Variants in SLC5A9 observed in about 807,000 individuals in gnomAD.
The protein encoded by SLC5A9 is sodium/glucose cotransporter 4.
SLC5A9 carries 59 observed loss-of-function variants against 70.9 expected under a neutral mutation model. That is an observed-to-expected ratio of 0.83 (90% confidence interval 0.68 to 1.03). The LOEUF (loss-of-function observed/expected upper bound fraction) is 1.03, where lower values mean the gene tolerates loss of function less well. Ranked by LOEUF, SLC5A9 falls within the 50% of genes least tolerant of loss-of-function variation. The probability of loss-of-function intolerance (pLI) is 0.00; values close to 1 mark genes in which losing one functional copy is unlikely to be tolerated. For missense variants in SLC5A9, 832 were observed against 881.1 expected (o/e 0.94, Z 0.71); for synonymous variants, 340 against 346.5 (o/e 0.98, Z 0.21).
intron 2 of SLC5A9, among the ~76,000 whole-genome samples, chr1:48,225,582 C>A (rs1202229549): frequency 6.6e-6 from 1 of 152,038 alleles, no homozygotes; most frequent in Non-Finnish European, 1.5e-5. Flanking sequence ...AGTATACACA[C>A]CCAGGCATGC....
At chr1:48,229,020 G>A in intron 3 of SLC5A9, 66 bp downstream of exon 3, 1 of 1,613,578 alleles carries the variant, frequency 6.2e-7, no homozygotes. Flanking sequence ...TCTGGCATTA[G>A]TGCTGGGAGG....
chr1:48,224,409 C>A (rs149438635), intron 1 of SLC5A9, among the ~76,000 whole-genome samples: 173 of 152,298 alleles, frequency 1.1e-3, no homozygotes, highest in African/African-American at 4.0e-3. Flanking sequence ...ACTCTGAAAG[C>A]GCACTTTGGG....
At chr1:48,222,931 G>T in intron 1 of SLC5A9, 33 bp downstream of exon 1, 1 of 1,610,822 alleles carries the variant, frequency 6.2e-7, no homozygotes, top group Non-Finnish European at 8.5e-7. Context: ...GCTAGCAGGG[G>T]AGGTAGTAGT....
chr1:48,224,668 A>G lies in SLC5A9; in HGVS notation c.163-56A>G, dbSNP rs538025182. 55 of 1,560,494 alleles carry G rather than the reference A, an allele frequency of 3.5e-5. 3 individuals are homozygous for G. Among genetic ancestry groups the G allele is most frequent in the Middle Eastern group, 1.7e-4 (1 of 5,992 alleles). On this transcript the variant is annotated intron_variant, in intron 1 of 13. Coordinates refer to ENST00000438567, the MANE Select transcript of SLC5A9 (RefSeq NM_001011547.3). ...GGAAGGAAATCTGCGGGGAGGGGGC[A>G]GGGCAGAGGTTCAGAGAGTCTTGAG...
chr1:48,227,965 TC>T (rs1644189171), intron 2 of SLC5A9: 1 of 151,870 alleles, frequency 6.6e-6, no homozygotes, highest in South Asian at 2.1e-4. Context: ...CCCAGCCCTC[TC>T]CCCGAGGTCT....
intron 2 of SLC5A9, among the ~76,000 whole-genome samples, chr1:48,225,188 C>G (rs916296797): frequency 3.3e-5 from 5 of 152,156 alleles, no homozygotes; most frequent in Admixed American, 6.5e-5. Context: ...GACCACCAGA[C>G]AGTGGAGTCA....
At chr1:48,233,908 C>T (rs1644292879) in intron 9 of SLC5A9, 146 bp downstream of exon 9, 9 of 655,374 alleles carry the variant, frequency 1.4e-5, no homozygotes, top group South Asian at 1.8e-5. Context: ...CATACACACA[C>T]GTTTTACAGG....
chr1:48,230,359 C>T (rs1251753224), intron 4 of SLC5A9, among the ~76,000 whole-genome samples: 1 of 152,218 alleles, frequency 6.6e-6, no homozygotes, highest in Non-Finnish European at 1.5e-5. Flanking sequence ...AGACCAGCTA[C>T]GTGATTAAAT....
chr1:48,230,426 C>G (rs972294770), intron 4 of SLC5A9, among the ~76,000 whole-genome samples, 174 bp from the exon 5 acceptor site: 2 of 152,218 alleles, frequency 1.3e-5, no homozygotes, highest in Non-Finnish European at 1.5e-5. Flanking sequence ...CTCCATGGCG[C>G]CTCAGTGTCT....
Position 48,234,037 on chromosome 1 carries a change from C to G in SLC5A9, c.1141+275C>G, listed in dbSNP as rs75673909. ...TACCTGGACTTGCCACAGGCACAATCCAGTGGGACCAGTGTGGTGACCCAG... is the reference window on the plus strand; with the variant it reads ...TACCTGGACTTGCCACAGGCACAATGCAGTGGGACCAGTGTGGTGACCCAG... On this transcript the variant is annotated intron_variant, in intron 9 of 13. Coordinates refer to ENST00000438567, the MANE Select transcript of SLC5A9 (RefSeq NM_001011547.3). Among the ~76,000 whole-genome samples, 412 of 152,342 alleles carry G rather than the reference C, an allele frequency of 2.7e-3. 3 individuals carry two copies. Among genetic ancestry groups the G allele is most frequent in the African/African-American group, 9.5e-3 (395 of 41,572 alleles).
intron 4 of SLC5A9, among the ~76,000 whole-genome samples, chr1:48,229,817 A>G (rs7556499): frequency 0.022 from 3,282 of 152,314 alleles, 132 homozygotes; most frequent in African/African-American, 0.074. Flanking sequence ...TCAGGAAACA[A>G]ACCTAGACAG....
At chr1:48,227,459 T>A (rs533073533) in intron 2 of SLC5A9, among the ~76,000 whole-genome samples, 6 of 137,332 alleles carry the variant, frequency 4.4e-5, no homozygotes, top group Admixed American at 2.9e-4. Flanking sequence ...TGTGAGAGAG[T>A]GTGTGTACTG....
At position 48,222,724 on chromosome 1, in the gene SLC5A9, C is replaced by A. The variant is rs1346119273; in HGVS notation, c.-13C>A. The stretch of plus-strand genomic sequence containing the variant: ...GCCTCAAAGTCCAGCCTGCTGTTGA[C>A]CAACACTAACAGATGAGCAAGGAGC... On this transcript the variant is annotated 5_prime_UTR_variant, in exon 1 of 14. Coordinates refer to ENST00000438567, the MANE Select transcript of SLC5A9 (RefSeq NM_001011547.3). The A allele has an allele frequency of 6.2e-7, 1 of 1,613,924 alleles. No homozygotes were observed. Among genetic ancestry groups the A allele is most frequent in the Admixed American group, 1.7e-5 (1 of 60,010 alleles).
chr1:48,235,774 G>T lies in SLC5A9; in HGVS notation c.1187G>T (p.Ser396Ile). The T allele has an allele frequency of 6.2e-7, 1 of 1,614,196 alleles. No individual in the cohort carries two copies. Among genetic ancestry groups the T allele is most frequent in the Non-Finnish European group, 8.5e-7 (1 of 1,180,034 alleles). Residue 396 changes from serine (S) to isoleucine (I), a missense_variant, in exon 10 of 14, where the codon AGC (serine) becomes ATC (isoleucine). Ser to Ile is a moderately radical substitution (Grantham distance 142, BLOSUM62 -2). Coordinates refer to ENST00000438567, the MANE Select transcript of SLC5A9 (RefSeq NM_001011547.3). ...GCCGTGATCATGGCCGCTCTCATGA[G>T]CTCACTCACCTCCATCTTCAACAGC... ...MIAVIMAALM[S>I]SLTSIFNSSS...
chr1:48,246,754 A>C (rs1368384875), intron 13 of SLC5A9, among the ~76,000 whole-genome samples: 1 of 152,206 alleles, frequency 6.6e-6, no homozygotes, highest in Non-Finnish European at 1.5e-5. Context: ...TTTGGTAGTC[A>C]GAACAACCTG....
chr1:48,233,375 AAAAAAAAAAAAGAT>A (rs1644282892), intron 8 of SLC5A9, among the ~76,000 whole-genome samples: 1 of 150,522 alleles, frequency 6.6e-6, no homozygotes, highest in South Asian at 2.2e-4. Context: ...AAAAAAAAAA[AAAAAAAAAAAAGAT>A]AGAAAAGAAC....
intron 12 of SLC5A9, chr1:48,241,351 A>T (rs1195802079): frequency 6.5e-6 from 1 of 153,860 alleles, no homozygotes; most frequent in Non-Finnish European, 1.4e-5. Context: ...GGTAAGGTTT[A>T]TTGAGAGATA....
At position 48,230,572 on chromosome 1, in the gene SLC5A9, T is replaced by C. The variant is rs558942019; in HGVS notation, c.505-28T>C. On this transcript the variant is annotated intron_variant, in intron 4 of 13. Coordinates refer to ENST00000438567, the MANE Select transcript of SLC5A9 (RefSeq NM_001011547.3). The stretch of plus-strand genomic sequence containing the variant: ...ACCCTACTGAGGGCCTCGGGTGGTC[T>C]GGCCTCTTGGGTCCTGGCTCTCTGC... The C allele has an allele frequency of 2.9e-5, 46 of 1,581,184 alleles. No individual in the cohort carries two copies. In the South Asian group the frequency reaches 4.9e-4, roughly 17 times the overall value.
Position 48,222,849 on chromosome 1 carries a change from T to C in SLC5A9, c.113T>C (p.Ile38Thr), listed in dbSNP as rs1262781512. Residue 38 changes from isoleucine (I) to threonine (T), a missense_variant, in exon 1 of 14, where the codon ATC (isoleucine) becomes ACC (threonine). Physicochemically the swap from Ile to Thr is moderately conservative, Grantham distance 89. Transcript: ENST00000438567. The stretch of plus-strand genomic sequence containing the variant: ...AGAGTTGGTCTGCACGCCTACGACA[T>C]CAGCGTGGTGGTCATCTACTTTGTC... ...DSRVGLHAYDISVVVIYFVFV... is the reference protein window; with the variant it reads ...DSRVGLHAYDTSVVVIYFVFV... 4 of 1,614,142 alleles carry C rather than the reference T, an allele frequency of 2.5e-6. No individual in the cohort carries two copies. The highest frequency in any genetic ancestry group is 3.4e-6 in the Non-Finnish European group (4 of 1,180,024).
Sources: allele counts gnomAD v4.1 joint callset (sites outside exome capture counted in the v4.1 genomes callset), GRCh38; gene constraint gnomAD v4.1.1; transcripts MANE v1.5; gene names NCBI Gene and HGNC (gene_info 2026-07-23, HGNC 2026-07-21).